The following ABHD17B variants were observed in gnomAD, a reference collection of about 807,000 sequenced individuals.
ABHD17B encodes alpha/beta hydrolase domain-containing protein 17B.
A neutral mutation model predicts 26.2 loss-of-function variants in ABHD17B; 9 were observed. The ratio of observed to expected loss-of-function variants is 0.34; its 90% CI spans 0.21 to 0.60. ABHD17B has a LOEUF of 0.60. Among genes scored for constraint, ABHD17B ranks in the 20% least tolerant of loss-of-function variants. The pLI is 0.80. For synonymous variants in ABHD17B, 127 were observed against 122.3 expected (o/e 1.04, Z -0.25); for missense variants, 224 against 352.1 (o/e 0.64, Z 2.91).
At chr9:71,896,763 C>T (rs1389631173) in intron 1 of ABHD17B, among the ~76,000 whole-genome samples, 1 of 151,912 alleles carries the variant, frequency 6.6e-6, no homozygotes, top group Non-Finnish European at 1.5e-5. Context: ...TTTTCAAAGG[C>T]AAATGACAGA....
Position 71,883,331 on chromosome 9 carries a change from T to C in ABHD17B, c.-3-8248A>G, listed in dbSNP as rs141079307. Among the ~76,000 whole-genome samples the C allele has an allele frequency of 3.5e-3, 532 of 152,260 alleles. 2 individuals are homozygous for C. The highest frequency in any genetic ancestry group is 9.9e-3 in the African/African-American group (411 of 41,554). ...GACACACTGCACAAAGTCCAAGTAA[T>C]AAAGACAGAGTGGTGCTGGTACAGA... is the stretch of plus-strand genomic sequence containing the variant. On this transcript the variant is annotated intron_variant, in intron 1 of 3. Transcript: ENST00000333421.
At chr9:71,867,217 C>T (rs756620259) in intron 3 of ABHD17B, among the ~76,000 whole-genome samples, 1 of 152,128 alleles carries the variant, frequency 6.6e-6, no homozygotes, top group Admixed American at 6.5e-5. Flanking sequence ...TTTTCATGCA[C>T]TTGTTTTGAT....
chr9:71,896,448 G>A (rs891081822), intron 1 of ABHD17B, among the ~76,000 whole-genome samples: 3 of 152,086 alleles, frequency 2.0e-5, no homozygotes, highest in African/African-American at 7.2e-5. Flanking sequence ...AAGAGAACTT[G>A]GTCAAGATAT....
chr9:71,874,909 A>G lies in ABHD17B; in HGVS notation c.172T>C (p.Tyr58His). The change falls in exon 2 of 4, where the codon TAT (tyrosine) becomes CAT (histidine). Residue 58 changes from tyrosine (Y) to histidine (H), a missense_variant. Tyr to His is a moderately conservative substitution (Grantham distance 83). Transcript: ENST00000333421. ...ATAGCATCTTTTTCTCTAGAAGAATACTGCCAGTCTGCTCGTTCAGACAGA... is the reference window on the plus strand; with the variant it reads ...ATAGCATCTTTTTCTCTAGAAGAATGCTGCCAGTCTGCTCGTTCAGACAGA... ...LHLSERADWQ[Y>H]SSREKDAIEC... The G allele has an allele frequency of 6.2e-7, 1 of 1,614,218 alleles. No homozygotes were observed. The highest frequency in any genetic ancestry group is 8.5e-7 in the Non-Finnish European group (1 of 1,180,032).
chr9:71,877,964 G>A (rs555759096), intron 1 of ABHD17B, among the ~76,000 whole-genome samples: 7 of 152,212 alleles, frequency 4.6e-5, no homozygotes, highest in Admixed American at 4.6e-4. Context: ...ACTTGCAAAT[G>A]ATCACTTTCC....
At position 71,874,923 on chromosome 9, in the gene ABHD17B, C is replaced by T. The variant is rs373267533; in HGVS notation, c.158G>A (p.Arg53Gln). 6.2e-6 allele frequency: 10 copies of T among 1,614,162 alleles called. No homozygotes were observed. In the East Asian group the frequency reaches 1.1e-4, roughly 18 times the overall value. Residue 53 changes from arginine (R) to glutamine (Q), a missense_variant, in exon 2 of 4, where the codon CGA becomes CAA. By Grantham distance (43) the Arg-to-Gln change is conservative. Transcript: ENST00000333421. ...GSRWTLHLSE[R>Q]ADWQYSSREK... Reference sequence around the variant, plus strand: ...TCTAGAAGAATACTGCCAGTCTGCTCGTTCAGACAGATGTAAAGTCCAACG... The same window carrying T: ...TCTAGAAGAATACTGCCAGTCTGCTTGTTCAGACAGATGTAAAGTCCAACG...
intron 1 of ABHD17B, among the ~76,000 whole-genome samples, chr9:71,899,466 T>C (rs1450188925): frequency 6.6e-6 from 1 of 152,194 alleles, no homozygotes. Context: ...GGTGGTTTGC[T>C]CACCCTTACA....
chr9:71,905,985 G>T (rs1020939576), intron 1 of ABHD17B, among the ~76,000 whole-genome samples: 1 of 152,054 alleles, frequency 6.6e-6, no homozygotes, highest in Non-Finnish European at 1.5e-5. Context: ...GGGGGTCGAG[G>T]GTTCAGTGGG....
At chr9:71,885,178 C>T (rs1826568196) in intron 1 of ABHD17B, among the ~76,000 whole-genome samples, 1 of 152,050 alleles carries the variant, frequency 6.6e-6, no homozygotes, top group Non-Finnish European at 1.5e-5. Flanking sequence ...GGAACGGTGG[C>T]TCATGACTGT....
At chr9:71,880,398 T>C (rs1474035963) in intron 1 of ABHD17B, among the ~76,000 whole-genome samples, 1 of 151,714 alleles carries the variant, frequency 6.6e-6, no homozygotes, top group Non-Finnish European at 1.5e-5. Flanking sequence ...AAATACAAAA[T>C]ACAAAATCAA....
intron 1 of ABHD17B, among the ~76,000 whole-genome samples, chr9:71,880,593 C>T (rs1302585174): frequency 6.6e-6 from 1 of 152,030 alleles, no homozygotes; most frequent in Non-Finnish European, 1.5e-5. Context: ...ACAAATGAGA[C>T]TTCTCAGCAA....
chr9:71,896,433 G>C (rs1256682734), intron 1 of ABHD17B, among the ~76,000 whole-genome samples: 1 of 152,064 alleles, frequency 6.6e-6, no homozygotes, highest in Non-Finnish European at 1.5e-5. Context: ...ATCCAGTGGG[G>C]GTTCAAGAGA....
chr9:71,882,224 C>T (rs1340602630), intron 1 of ABHD17B, among the ~76,000 whole-genome samples: 1 of 152,208 alleles, frequency 6.6e-6, no homozygotes, highest in Non-Finnish European at 1.5e-5. Flanking sequence ...TAAAGAGTTG[C>T]CATTTGACAA....
At chr9:71,904,549 G>T (rs1233140821) in intron 1 of ABHD17B, among the ~76,000 whole-genome samples, 1 of 152,136 alleles carries the variant, frequency 6.6e-6, no homozygotes, top group Non-Finnish European at 1.5e-5. Flanking sequence ...AATAAAAAGT[G>T]GTGAAAAGAC....
intron 1 of ABHD17B, among the ~76,000 whole-genome samples, chr9:71,889,635 A>G (rs1472903319): frequency 6.6e-6 from 1 of 152,174 alleles, no homozygotes; most frequent in Non-Finnish European, 1.5e-5. Flanking sequence ...AAGAAGTAGT[A>G]ATATAATACT....
At chr9:71,887,658 C>A (rs1468323312) in intron 1 of ABHD17B, among the ~76,000 whole-genome samples, 2 of 152,162 alleles carry the variant, frequency 1.3e-5, no homozygotes, top group Non-Finnish European at 2.9e-5. Context: ...GAACGAAAAC[C>A]TTTGAAACCC....
chr9:71,905,226 G>A (rs567196761), intron 1 of ABHD17B, among the ~76,000 whole-genome samples: 2 of 151,794 alleles, frequency 1.3e-5, no homozygotes, highest in East Asian at 3.9e-4. Flanking sequence ...AGGTTCAAGC[G>A]ATTCTCCTGT....
intron 1 of ABHD17B, among the ~76,000 whole-genome samples, chr9:71,909,871 CT>C (rs56686104): frequency 0.03 from 4,331 of 145,884 alleles, 160 homozygotes; most frequent in African/African-American, 0.091. Context: ...AAGATCTGAA[CT>C]TTTTTTTTTT....
At chr9:71,872,365 G>C (rs1238072270) in intron 2 of ABHD17B, among the ~76,000 whole-genome samples, 5 of 152,028 alleles carry the variant, frequency 3.3e-5, no homozygotes. Context: ...AAAAATTAAG[G>C]CTGAAAATCA....
Sources: gnomAD v4.1 joint callset for allele counts (sites outside exome capture counted in the v4.1 genomes callset) on GRCh38, gnomAD v4.1.1 for gene constraint, MANE v1.5 for transcripts, NCBI Gene and HGNC (gene_info 2026-07-23, HGNC 2026-07-21) for gene names.